The following ESRRG variants were observed in gnomAD, a reference collection of about 807,000 sequenced individuals.
ESRRG encodes estrogen-related receptor gamma.
ESRRG carries 13 observed loss-of-function variants against 44.0 expected under a neutral mutation model. The observed-to-expected ratio is 0.30, with a 90% CI of 0.19 to 0.47. ESRRG has a LOEUF of 0.47. Among genes scored for constraint, ESRRG ranks in the 20% least tolerant of loss-of-function variants. The pLI is 1.00. For missense variants in ESRRG, 395 were observed against 580.6 expected (o/e 0.68, Z 3.29); for synonymous variants, 215 against 214.6 (o/e 1.00, Z -0.02).
At chr1:216,735,478 G>T (rs559490478) in intron 2 of ESRRG, among the ~76,000 whole-genome samples, 1 of 152,226 alleles carries the variant, frequency 6.6e-6, no homozygotes, top group African/African-American at 2.4e-5. Context: ...AAATTGCTGG[G>T]ATTACAGGCG....
chr1:216,856,972 A>C (rs934486090), intron 2 of ESRRG, among the ~76,000 whole-genome samples: 24 of 152,196 alleles, frequency 1.6e-4, no homozygotes, highest in Non-Finnish European at 5.9e-5. Context: ...CTAAAATGAT[A>C]CAATAAGTAG....
chr1:217,016,818 T>C (rs745489493), intron 1 of ESRRG, among the ~76,000 whole-genome samples: 22 of 152,202 alleles, frequency 1.4e-4, no homozygotes, highest in Non-Finnish European at 2.2e-4. Context: ...GAGTAAGCAA[T>C]GAGTATTTAT....
At chr1:217,041,385 A>G (rs575848514) in intron 1 of ESRRG, among the ~76,000 whole-genome samples, 7 of 152,344 alleles carry the variant, frequency 4.6e-5, no homozygotes, top group Middle Eastern at 3.4e-3. Context: ...TAAAGGTAGT[A>G]CATTTTAAGA....
chr1:217,083,155 G>T (rs749383535), intron 1 of ESRRG, among the ~76,000 whole-genome samples: 2 of 152,192 alleles, frequency 1.3e-5, no homozygotes, highest in Non-Finnish European at 2.9e-5. Flanking sequence ...CAAAGGGCTT[G>T]TATGGTCTAG....
At chr1:216,958,552 C>T (rs2068410425) in intron 1 of ESRRG, among the ~76,000 whole-genome samples, 1 of 152,124 alleles carries the variant, frequency 6.6e-6, no homozygotes, top group South Asian at 2.1e-4. Context: ...TGCTTAGTGA[C>T]CATTTGTATA....
intron 1 of ESRRG, among the ~76,000 whole-genome samples, chr1:216,995,482 C>T (rs2076259029): frequency 6.6e-6 from 1 of 152,204 alleles, no homozygotes; most frequent in South Asian, 2.1e-4. Context: ...CCTGTGGGCT[C>T]CTTCATTGTC....
At position 216,615,424 on chromosome 1, in the gene ESRRG, G is replaced by A. The variant is rs545807164; in HGVS notation, c.589+35549C>T. On this transcript the variant is annotated intron_variant, in intron 3 of 6. Transcript: ENST00000408911. ...ACTCACCCTGGTCTATTTCCTTAAC[G>A]TAGGGCTTGTTTACACATGTTTTAA... 3.3e-5 allele frequency among the ~76,000 whole-genome samples: 5 copies of A among 152,228 alleles called. No individual in the cohort carries two copies. The East Asian group carries it at 5.8e-4, about 18-fold the overall frequency.
intron 2 of ESRRG, among the ~76,000 whole-genome samples, chr1:216,838,292 T>C (rs766221174): frequency 2.6e-5 from 4 of 152,168 alleles, no homozygotes; most frequent in Non-Finnish European, 5.9e-5. Context: ...CAAGCTCTAG[T>C]GTGGCAACAG....
intron 2 of ESRRG, among the ~76,000 whole-genome samples, chr1:216,659,803 C>A (rs1466982659): frequency 6.6e-6 from 1 of 152,142 alleles, no homozygotes; most frequent in Admixed American, 6.5e-5. Flanking sequence ...ACTTAACACA[C>A]TTTATTATAT....
intron 3 of ESRRG, among the ~76,000 whole-genome samples, chr1:216,622,033 A>G (rs775121542): frequency 2.6e-5 from 4 of 152,186 alleles, no homozygotes; most frequent in South Asian, 2.1e-4. Context: ...TACTGTCTAC[A>G]AACTACAGAG....
chr1:216,929,765 C>A (rs191331968), intron 2 of ESRRG, among the ~76,000 whole-genome samples: 11 of 152,178 alleles, frequency 7.2e-5, no homozygotes, highest in Admixed American at 5.2e-4. Context: ...GACTTTTTGT[C>A]CTAAATGCCA....
At position 216,614,332 on chromosome 1, in the gene ESRRG, A is replaced by T. The variant is rs1411316881; in HGVS notation, c.589+36641T>A. The stretch of plus-strand genomic sequence containing the variant: ...AACATAATTTGTGACCCTCTGTGAC[A>T]TCCTCTTTCTCTTTTTTTTTTGACA... On this transcript the variant is annotated intron_variant, in intron 3 of 6. Coordinates refer to ENST00000408911, the MANE Select transcript of ESRRG (RefSeq NM_001438.4). 2.5e-5 allele frequency among the ~76,000 whole-genome samples: 3 copies of T among 121,876 alleles called. No homozygotes were observed. In the Admixed American group the frequency reaches 2.6e-4, roughly 10 times the overall value. The allele number at this position is 121,876 out of a possible 152,430, so 80.0% of individuals were successfully genotyped here.
intron 2 of ESRRG, among the ~76,000 whole-genome samples, chr1:216,802,407 T>C (rs952488797): frequency 1.4e-4 from 21 of 152,138 alleles, no homozygotes; most frequent in Non-Finnish European, 2.5e-4. Flanking sequence ...GTGTCTGATA[T>C]TGCCAAAAGC....
At chr1:217,058,267 C>A (rs1558143680) in intron 1 of ESRRG, among the ~76,000 whole-genome samples, 1 of 152,024 alleles carries the variant, frequency 6.6e-6, no homozygotes, top group Non-Finnish European at 1.5e-5. Context: ...AATAGAGTAG[C>A]CTGCTTAATA....
At chr1:216,542,258 C>G (rs899911163) in intron 5 of ESRRG, among the ~76,000 whole-genome samples, 1 of 151,740 alleles carries the variant, frequency 6.6e-6, no homozygotes, top group Non-Finnish European at 1.5e-5. Context: ...CTATGTTCCT[C>G]CCAGATGTGG....
intron 1 of ESRRG, among the ~76,000 whole-genome samples, chr1:217,027,177 A>G (rs534780701): frequency 6.6e-6 from 1 of 152,170 alleles, no homozygotes; most frequent in Non-Finnish European, 1.5e-5. Context: ...GTCCCCAAGA[A>G]CAACTTCCTA....
Position 216,677,457 on chromosome 1 carries a change from T to C in ESRRG, c.91A>G (p.Ile31Val), listed in dbSNP as rs750997414. The C allele has an allele frequency of 1.9e-6, 3 of 1,612,892 alleles. No individual in the cohort carries two copies. Among genetic ancestry groups the C allele is most frequent in the South Asian group, 1.1e-5 (1 of 90,978 alleles). ...ATGAAGGACGAACAGCTGGAATCAA[T>C]GTGTCGATCTTTGTTTGACATTCTG... Reference protein sequence around the residue: ...LCRMSNKDRHIDSSCSSFIKT... With the variant: ...LCRMSNKDRHVDSSCSSFIKT... The change falls in exon 2 of 7, where the codon ATT becomes GTT. Residue 31 changes from isoleucine (I) to valine (V), a missense_variant. Coordinates refer to ENST00000408911, the MANE Select transcript of ESRRG (RefSeq NM_001438.4).
chr1:216,555,220 G>T (rs1336689996), intron 5 of ESRRG, among the ~76,000 whole-genome samples: 2 of 152,134 alleles, frequency 1.3e-5, no homozygotes, highest in African/African-American at 4.8e-5. Flanking sequence ...ATGAGCAAAG[G>T]TACATGGCTT....
chr1:216,603,224 C>G (rs2059475227), intron 3 of ESRRG, among the ~76,000 whole-genome samples: 1 of 152,006 alleles, frequency 6.6e-6, no homozygotes, highest in Non-Finnish European at 1.5e-5. Context: ...TTAGCATTCC[C>G]TCTTATTTTT....
Sources: allele counts gnomAD v4.1 joint callset (sites outside exome capture counted in the v4.1 genomes callset), GRCh38; gene constraint gnomAD v4.1.1; transcripts MANE v1.5; gene names NCBI Gene and HGNC (gene_info 2026-07-23, HGNC 2026-07-21).